Variants in MAGI3 observed in about 807,000 individuals in gnomAD.
MAGI3 encodes membrane associated guanylate kinase, WW and PDZ domain containing 3.
MAGI3 carries 43 observed loss-of-function variants against 121.8 expected under a neutral mutation model. The observed-to-expected ratio is 0.35, with a 90% CI of 0.28 to 0.46. The LOEUF is 0.46. Among genes scored for constraint, MAGI3 ranks in the 20% least tolerant of loss-of-function variants. The pLI, the probability that MAGI3 is intolerant of heterozygous loss-of-function variation, is 1.00. For missense variants in MAGI3, 1,547 were observed against 1,797.3 expected, an observed-to-expected ratio of 0.86 and a Z score of 2.52; for synonymous variants, 553 against 639.3, an observed-to-expected ratio of 0.86 and a Z score of 2.04.
At chr1:113,551,007 T>C (rs1189858190) in intron 2 of MAGI3, among the ~76,000 whole-genome samples, 3 of 151,136 alleles carry the variant, frequency 2.0e-5, no homozygotes, top group African/African-American at 7.2e-5. Flanking sequence ...TCTCTCTTAC[T>C]TGGAATAATT....
At chr1:113,607,257 A>G (rs1649830571) in intron 6 of MAGI3, among the ~76,000 whole-genome samples, 1 of 152,224 alleles carries the variant, frequency 6.6e-6, no homozygotes, top group Non-Finnish European at 1.5e-5. Context: ...CAGATTGGTA[A>G]TGGCATTCTT....
chr1:113,431,557 T>C (rs1234139869), intron 1 of MAGI3, among the ~76,000 whole-genome samples: 1 of 152,114 alleles, frequency 6.6e-6, no homozygotes, highest in Non-Finnish European at 1.5e-5. Flanking sequence ...AAGGTAATGA[T>C]TAAAAATAAA....
rs1345712487 is a variant in MAGI3 at position 113,640,039 on chromosome 1, A to G, written c.1361-1872A>G. ...TCAAGAAATAAGGTGGTATTTAAAG[A>G]TAGACTGACCCTGTCAAAAAGTGGA... On this transcript the variant is annotated intron_variant, in intron 9 of 20. Coordinates refer to ENST00000307546, the MANE Select transcript of MAGI3 (RefSeq NM_001142782.2). Among the ~76,000 whole-genome samples the G allele has an allele frequency of 2.0e-5, 3 of 152,334 alleles. 1 individual carries two copies. The East Asian group carries it at 5.8e-4, about 29-fold the overall frequency.
intron 1 of MAGI3, among the ~76,000 whole-genome samples, chr1:113,516,010 C>G (rs566345265): frequency 6.6e-6 from 1 of 151,968 alleles, no homozygotes. Context: ...TGGCTACACT[C>G]ACTAGATGCG....
intron 2 of MAGI3, among the ~76,000 whole-genome samples, chr1:113,569,350 C>T (rs1235391228): frequency 1.3e-5 from 2 of 152,088 alleles, no homozygotes; most frequent in South Asian, 2.1e-4. Flanking sequence ...TTCTTATACC[C>T]GTTTCTGTCA....
At chr1:113,543,348 A>T (rs1388962595) in intron 1 of MAGI3, among the ~76,000 whole-genome samples, 1 of 152,220 alleles carries the variant, frequency 6.6e-6, no homozygotes, top group Non-Finnish European at 1.5e-5. Context: ...TACTTTAAAG[A>T]CTCATAGAGC....
chr1:113,569,881 T>C (rs1660586800), intron 2 of MAGI3, among the ~76,000 whole-genome samples: 1 of 152,226 alleles, frequency 6.6e-6, no homozygotes, highest in African/African-American at 2.4e-5. Flanking sequence ...TTTTATTTTA[T>C]TTTTTATTAT....
intron 9 of MAGI3, among the ~76,000 whole-genome samples, chr1:113,634,775 C>A (rs1651897153): frequency 6.6e-6 from 1 of 152,090 alleles, no homozygotes; most frequent in African/African-American, 2.4e-5. Flanking sequence ...TGAAGAAAGT[C>A]ATTGGTAGCT....
chr1:113,591,167 A>AT (rs541863070), intron 5 of MAGI3, among the ~76,000 whole-genome samples: 28 of 152,212 alleles, frequency 1.8e-4, no homozygotes, highest in Admixed American at 3.9e-4. Flanking sequence ...AAAAAACATT[A>AT]TTTTTATGGA....
intron 6 of MAGI3, among the ~76,000 whole-genome samples, chr1:113,613,090 A>C (rs1650259884): frequency 6.6e-6 from 1 of 152,206 alleles, no homozygotes; most frequent in South Asian, 2.1e-4. Context: ...ATATTCAAAA[A>C]AATTACTCTT....
At chr1:113,671,642 G>A (rs1571029912) in intron 16 of MAGI3, 92 bp from the exon 17 acceptor site, 2 of 1,141,252 alleles carry the variant, frequency 1.8e-6, no homozygotes, top group Non-Finnish European at 2.6e-6. Flanking sequence ...TACAGCAATA[G>A]CCATCTGTTA....
intron 1 of MAGI3, chr1:113,450,411 G>T: frequency 8.9e-7 from 1 of 1,128,396 alleles, no homozygotes; most frequent in South Asian, 1.2e-5. Context: ...ATTTGGAGGT[G>T]ATGGTGGCAA....
rs147734371 is a variant in MAGI3, at chr1:113,680,480, G to A, written c.3190-718G>A. Among the ~76,000 whole-genome samples the A allele has an allele frequency of 9.5e-4, 144 of 152,240 alleles. 1 individual carries two copies. In the East Asian group the frequency reaches 0.026, roughly 28 times the overall value. ...ACTTATGAAAATCCTACACAGGGCC[G>A]GGCGCGGTGGCTCACGCCTGTAATC... On this transcript the variant is annotated intron_variant, in intron 19 of 20. Transcript: ENST00000307546.
chr1:113,460,924 C>G (rs753933097), intron 1 of MAGI3, among the ~76,000 whole-genome samples: 1 of 152,120 alleles, frequency 6.6e-6, no homozygotes, highest in Non-Finnish European at 1.5e-5. Context: ...TACTAGCATT[C>G]CTATACACCA....
At chr1:113,461,951 C>T (rs1378360197) in intron 1 of MAGI3, among the ~76,000 whole-genome samples, 3 of 152,006 alleles carry the variant, frequency 2.0e-5, no homozygotes, top group Non-Finnish European at 4.4e-5. Flanking sequence ...ATGAGGCCAA[C>T]AAGCATATGA....
chr1:113,656,986 C>T (rs1204631133), intron 15 of MAGI3, among the ~76,000 whole-genome samples: 1 of 152,146 alleles, frequency 6.6e-6, no homozygotes, highest in Non-Finnish European at 1.5e-5. Flanking sequence ...GTTATTCCTT[C>T]TTATCATGTA....
At chr1:113,400,122 T>C (rs913431994) in intron 1 of MAGI3, among the ~76,000 whole-genome samples, 4 of 152,130 alleles carry the variant, frequency 2.6e-5, no homozygotes, top group Non-Finnish European at 5.9e-5. Context: ...TGGCAGATAT[T>C]GCAGGATAAA....
chr1:113,612,379 C>T (rs1177029002), intron 6 of MAGI3, among the ~76,000 whole-genome samples: 3 of 152,128 alleles, frequency 2.0e-5, no homozygotes, highest in African/African-American at 7.2e-5. Context: ...CCTGTCTAGA[C>T]TATAAACTCC....
intron 9 of MAGI3, among the ~76,000 whole-genome samples, chr1:113,640,957 TA>T (rs1212145817): frequency 7.6e-6 from 1 of 131,750 alleles, no homozygotes; most frequent in Non-Finnish European, 1.6e-5. Context: ...TATATAATAT[TA>T]AATATATATA....
Sources: allele counts gnomAD v4.1 joint callset (sites outside exome capture counted in the v4.1 genomes callset), GRCh38; gene constraint gnomAD v4.1.1; transcripts MANE v1.5; gene names NCBI Gene and HGNC (gene_info 2026-07-23, HGNC 2026-07-21).